TTC6: variants seen among roughly 807,000 people sequenced by gnomAD.
TTC6 encodes tetratricopeptide repeat protein 6.
In TTC6, 172 loss-of-function variants were observed where a neutral mutation model predicts 210.4. The ratio of observed to expected loss-of-function variants is 0.82; its 90% confidence interval spans 0.72 to 0.93. The LOEUF (loss-of-function observed/expected upper bound fraction) is 0.93, where lower values mean the gene tolerates loss of function less well. TTC6 is among the 40% of genes least tolerant of loss of function. TTC6 has a pLI of 0.00. For synonymous variants in TTC6, 804 were observed against 819.6 expected, an observed-to-expected ratio of 0.98 and a Z score of 0.32; for missense variants, 2,414 against 2,318.1, an observed-to-expected ratio of 1.04 and a Z score of -0.85.
At chr14:37,776,151 C>T (rs1477529380) in intron 14 of TTC6, among the ~76,000 whole-genome samples, 2 of 47,416 alleles carry the variant, frequency 4.2e-5, no homozygotes, top group East Asian at 5.5e-4. Context: ...CCCGGGTTCA[C>T]GCCATTCTCC....
At chr14:37,765,602 G>T (rs2095996807) in intron 14 of TTC6, among the ~76,000 whole-genome samples, 2 of 152,000 alleles carry the variant, frequency 1.3e-5, no homozygotes, top group Admixed American at 1.3e-4. Flanking sequence ...CTGTGCTACT[G>T]GCTTTTAAAT....
intron 25 of TTC6, 68 bp from the exon 28 acceptor site, chr14:37,817,510 G>A: frequency 7.2e-7 from 1 of 1,379,946 alleles, no homozygotes; most frequent in South Asian, 1.2e-5. Flanking sequence ...ATCACAGTTA[G>A]AAGGAAGTTT....
chr14:37,827,448 C>T, intron 29 of TTC6, 82 bp downstream of exon 31: 2 of 1,311,556 alleles, frequency 1.5e-6, no homozygotes. Flanking sequence ...ATAATTCATA[C>T]AATCTCAGGC....
At chr14:37,775,914 T>C (rs1209576585) in intron 14 of TTC6, among the ~76,000 whole-genome samples, 1 of 152,186 alleles carries the variant, frequency 6.6e-6, no homozygotes, top group Non-Finnish European at 1.5e-5. Context: ...TTAAAGTCTG[T>C]TTTGTTTTAA....
intron 2 of TTC6, among the ~76,000 whole-genome samples, chr14:37,681,868 G>A (rs1317739835): frequency 6.6e-6 from 1 of 152,126 alleles, no homozygotes; most frequent in African/African-American, 2.4e-5. Flanking sequence ...CCCTTGTAAA[G>A]ATGTGAGTCA....
intron 14 of TTC6, among the ~76,000 whole-genome samples, chr14:37,765,410 G>A (rs1036922673): frequency 5.5e-5 from 8 of 145,080 alleles, no homozygotes; most frequent in African/African-American, 1.5e-4. Context: ...CAAACGCTTC[G>A]CCTCAAGCAA....
chr14:37,740,515 A>T (rs551058471), intron 10 of TTC6, among the ~76,000 whole-genome samples: 49 of 152,344 alleles, frequency 3.2e-4, no homozygotes, highest in African/African-American at 1.2e-3. Context: ...AGTTATAAAG[A>T]CTTGCTGTCT....
intron 29 of TTC6, among the ~76,000 whole-genome samples, chr14:37,834,621 G>T (rs561949365): frequency 7.9e-4 from 120 of 151,810 alleles, no homozygotes; most frequent in African/African-American, 2.7e-3. Context: ...GTGTTCTTTT[G>T]TTCTAAATTT....
At chr14:37,640,500 C>T (rs781586594) in intron 1 of TTC6, among the ~76,000 whole-genome samples, 4 of 152,024 alleles carry the variant, frequency 2.6e-5, no homozygotes, top group African/African-American at 9.7e-5. Flanking sequence ...TTTTAAAATA[C>T]ATAACTCAAT....
chr14:37,714,466 T>C (rs1471278308), intron 5 of TTC6, among the ~76,000 whole-genome samples, 189 bp from the exon 8 acceptor site: 1 of 152,184 alleles, frequency 6.6e-6, no homozygotes, highest in African/African-American at 2.4e-5. Flanking sequence ...CTAAAATGTA[T>C]TAAGAACCAG....
rs772766049 is a variant in TTC6 at position 37,842,142 on chromosome 14, T to C, written c.5525-13T>C. On this transcript the variant is annotated splice_polypyrimidine_tract_variant and intron_variant, in intron 30 of 30. Transcript: ENST00000553443. ...GCCAACTTAAATATATCTTGATTTT[T>C]TTTCTTTTGCAGCCCTGTCTTTGAA... 6.6e-7 allele frequency: 1 copy of C among 1,504,940 alleles called. No individual in the cohort carries two copies. The highest frequency in any genetic ancestry group is 8.8e-7 in the Non-Finnish European group (1 of 1,131,212). The allele number at this position is 1,504,940 out of a possible 1,614,324, so 93.2% of individuals were successfully genotyped here.
chr14:37,663,002 GA>G (rs2095740464), intron 1 of TTC6, among the ~76,000 whole-genome samples: 1 of 151,798 alleles, frequency 6.6e-6, no homozygotes, highest in Non-Finnish European at 1.5e-5. Flanking sequence ...TAATGATATT[GA>G]TTTTTTTTTT....
At chr14:37,652,398 G>A (rs2095714704) in intron 1 of TTC6, among the ~76,000 whole-genome samples, 1 of 152,116 alleles carries the variant, frequency 6.6e-6, no homozygotes, top group African/African-American at 2.4e-5. Flanking sequence ...TCTTTTAAAT[G>A]AATGTTTATA....
chr14:37,731,129 G>A (rs1289861856), intron 7 of TTC6, among the ~76,000 whole-genome samples: 1 of 152,158 alleles, frequency 6.6e-6, no homozygotes, highest in Non-Finnish European at 1.5e-5. Context: ...AGTAGAAGGC[G>A]AGGGTCCTGT....
At chr14:37,718,617 A>G (rs2138786553) in intron 6 of TTC6, among the ~76,000 whole-genome samples, 2 of 152,288 alleles carry the variant, frequency 1.3e-5, no homozygotes, top group South Asian at 2.1e-4. Context: ...AGATGACATG[A>G]CTGTCTACAT....
At chr14:37,664,918 T>C (rs1251940418) in intron 1 of TTC6, among the ~76,000 whole-genome samples, 5 of 150,446 alleles carry the variant, frequency 3.3e-5, no homozygotes, top group Non-Finnish European at 7.5e-5. Flanking sequence ...TACTGATTAT[T>C]AGAGAAATGA....
chr14:37,704,931 A>G, intron 5 of TTC6, among the ~76,000 whole-genome samples: 1 of 152,262 alleles, frequency 6.6e-6, no homozygotes, highest in African/African-American at 2.4e-5. Context: ...TCTTTTCCTT[A>G]CTGATTTGAA....
At chr14:37,690,959 C>T (rs1480097003) in intron 3 of TTC6, among the ~76,000 whole-genome samples, 2 of 152,066 alleles carry the variant, frequency 1.3e-5, no homozygotes, top group African/African-American at 4.8e-5. Flanking sequence ...CCAGGATAGA[C>T]CATATGTTAG....
intron 29 of TTC6, among the ~76,000 whole-genome samples, chr14:37,836,165 T>A (rs547341663): frequency 1.1e-4 from 16 of 152,336 alleles, no homozygotes; most frequent in African/African-American, 3.8e-4. Flanking sequence ...TCATCTTCCA[T>A]AAAGTCACTT....
Sources: gnomAD v4.1 joint callset for allele counts (sites outside exome capture counted in the v4.1 genomes callset) on GRCh38, gnomAD v4.1.1 for gene constraint, MANE v1.5 for transcripts, NCBI Gene and HGNC (gene_info 2026-07-23, HGNC 2026-07-21) for gene names.